Variants in BCKDHB observed in about 807,000 individuals in gnomAD.
BCKDHB encodes the protein 2-oxoisovalerate dehydrogenase subunit beta, mitochondrial.
Under a neutral mutation model 48.5 loss-of-function variants are expected in BCKDHB, and 41 were observed. The observed-to-expected ratio is 0.85, with a 90% CI of 0.66 to 1.10. BCKDHB has a LOEUF of 1.10. BCKDHB is among the 50% of genes least tolerant of loss of function. The pLI, the probability that BCKDHB is intolerant of heterozygous loss-of-function variation, is 0.00. For synonymous variants in BCKDHB, 201 were observed against 174.8 expected, an observed-to-expected ratio of 1.15 and a Z score of -1.18; for missense variants, 496 against 494.2, an observed-to-expected ratio of 1.00 and a Z score of -0.03.
chr6:80,418,247 A>G, the BCKDHB span, among the ~76,000 whole-genome samples: 3 of 152,128 alleles, frequency 2.0e-5, no homozygotes, highest in African/African-American at 4.8e-5. Flanking sequence ...CGGTAGCTCA[A>G]TGATCTTTGT....
At chr6:80,230,228 C>T (rs373065297) in intron 8 of BCKDHB, among the ~76,000 whole-genome samples, 27 of 150,656 alleles carry the variant, frequency 1.8e-4, no homozygotes, top group Middle Eastern at 3.5e-3. Context: ...TTAGTAGAGA[C>T]GGGGTTTCAC....
intron 8 of BCKDHB, among the ~76,000 whole-genome samples, chr6:80,212,716 A>G (rs1263592284): frequency 6.6e-6 from 1 of 152,206 alleles, no homozygotes; most frequent in Admixed American, 6.5e-5. Flanking sequence ...TGTCCATGAA[A>G]TCTTCACAAT....
chr6:80,221,853 C>T (rs918817560), intron 8 of BCKDHB, among the ~76,000 whole-genome samples: 38 of 152,096 alleles, frequency 2.5e-4, no homozygotes, highest in Non-Finnish European at 3.1e-4. Context: ...AGCCAAATAC[C>T]GAGTATCTTA....
chr6:80,325,676 A>G (rs1350888655), intron 9 of BCKDHB, among the ~76,000 whole-genome samples: 2 of 152,212 alleles, frequency 1.3e-5, no homozygotes. Context: ...TAACTAGACA[A>G]TGAGCAGAAA....
At chr6:80,183,028 T>C (rs3805920) in intron 6 of BCKDHB, among the ~76,000 whole-genome samples, 55,180 of 152,000 alleles carry the variant, frequency 0.36, 11,949 homozygotes, top group East Asian at 0.56. Flanking sequence ...TTCTAAATTC[T>C]GGTTATTTTA....
intron 3 of BCKDHB, among the ~76,000 whole-genome samples, chr6:80,163,898 T>G (rs1175336094): frequency 6.6e-6 from 1 of 152,218 alleles, no homozygotes; most frequent in Non-Finnish European, 1.5e-5. Context: ...AGCAAATCCT[T>G]TTAGCTCTAT....
chr6:80,236,193 T>C (rs1032085251), intron 8 of BCKDHB, among the ~76,000 whole-genome samples: 1 of 152,262 alleles, frequency 6.6e-6, no homozygotes, highest in African/African-American at 2.4e-5. Flanking sequence ...TTTGTGTTGC[T>C]GTGTTCCCAA....
At chr6:80,258,962 CA>C (rs1447402644) in intron 8 of BCKDHB, among the ~76,000 whole-genome samples, 1 of 152,150 alleles carries the variant, frequency 6.6e-6, no homozygotes, top group Non-Finnish European at 1.5e-5. Flanking sequence ...ACTTTATTTG[CA>C]AATGTTTTTT....
intron 1 of BCKDHB, among the ~76,000 whole-genome samples, chr6:80,120,309 CCACAATAAACATACATG>C (rs1769936981): frequency 1.2e-4 from 18 of 149,582 alleles, no homozygotes; most frequent in South Asian, 2.2e-4. Context: ...GTGAATAGTG[CCACAATAAACATACATG>C]TGCATGTGTC....
chr6:80,424,467 A>T, the BCKDHB span, among the ~76,000 whole-genome samples: 4 of 152,150 alleles, frequency 2.6e-5, no homozygotes, highest in Non-Finnish European at 5.9e-5. Flanking sequence ...GATTAATGCA[A>T]CTACATCATT....
intron 3 of BCKDHB, among the ~76,000 whole-genome samples, chr6:80,147,694 C>T (rs1339631559): frequency 6.6e-6 from 1 of 152,110 alleles, no homozygotes; most frequent in Non-Finnish European, 1.5e-5. Context: ...TCATAGAATG[C>T]TGGATTTCAC....
At chr6:80,360,373 C>T in the BCKDHB span, among the ~76,000 whole-genome samples, 1 of 152,164 alleles carries the variant, frequency 6.6e-6, no homozygotes, top group Non-Finnish European at 1.5e-5. Context: ...ATTCCCAGCC[C>T]CCAACAGGAA....
intron 9 of BCKDHB, among the ~76,000 whole-genome samples, chr6:80,339,187 A>T (rs578106475): frequency 8.3e-4 from 126 of 152,316 alleles, no homozygotes; most frequent in African/African-American, 2.8e-3. Flanking sequence ...AAACCTTAAT[A>T]TATGTGTTTT....
chr6:80,414,639 A>G, the BCKDHB span, among the ~76,000 whole-genome samples: 1 of 152,154 alleles, frequency 6.6e-6, no homozygotes. Context: ...TTATACCAGC[A>G]CCACGTTGTT....
At chr6:80,432,344 C>T in the BCKDHB span, among the ~76,000 whole-genome samples, 1 of 152,184 alleles carries the variant, frequency 6.6e-6, no homozygotes, top group Non-Finnish European at 1.5e-5. Flanking sequence ...GGTCTTTTCA[C>T]ATAGTCCCAT....
chr6:80,152,096 C>G (rs1357268330), intron 3 of BCKDHB, among the ~76,000 whole-genome samples: 3 of 151,894 alleles, frequency 2.0e-5, no homozygotes, highest in Non-Finnish European at 4.4e-5. Context: ...TCTGGAAAAA[C>G]AGCTTTGGTT....
intron 8 of BCKDHB, among the ~76,000 whole-genome samples, chr6:80,272,040 T>G (rs779447112): frequency 3.9e-5 from 6 of 152,126 alleles, no homozygotes; most frequent in Non-Finnish European, 8.8e-5. Flanking sequence ...AATACAAATA[T>G]CCTAAGGTTA....
At chr6:80,298,358 C>T (rs972175197) in intron 9 of BCKDHB, among the ~76,000 whole-genome samples, 9 of 152,200 alleles carry the variant, frequency 5.9e-5, no homozygotes, top group African/African-American at 2.2e-4. Flanking sequence ...ATCCACTTGC[C>T]TCGGCCTCCC....
rs35161169 is a variant in BCKDHB, at chr6:80,107,289, G to GATATAT, written c.196+407_196+412dup. On this transcript the variant is annotated intron_variant, in intron 1 of 9. Transcript: ENST00000320393. ...CTAGCTTAGGTAGAGGCATTTAAAA[G>GATATAT]ATATATATATATGTTTATATATATA... 1.4e-3 allele frequency among the ~76,000 whole-genome samples: 192 copies of GATATAT among 141,710 alleles called. 1 individual carries two copies. Among genetic ancestry groups the GATATAT allele is most frequent in the East Asian group, 8.9e-3 (43 of 4,814 alleles). The allele number at this position is 141,710 out of a possible 152,430, so 93.0% of individuals were successfully genotyped here.
Sources: allele counts gnomAD v4.1 joint callset (sites outside exome capture counted in the v4.1 genomes callset), GRCh38; gene constraint gnomAD v4.1.1; transcripts MANE v1.5; gene names NCBI Gene and HGNC (gene_info 2026-07-23, HGNC 2026-07-21).